Variants in ABLIM3 observed in about 807,000 individuals in gnomAD.
The protein encoded by ABLIM3 is actin-binding LIM protein 3.
Under a neutral mutation model 109.5 loss-of-function variants are expected in ABLIM3, and 61 were observed. The observed-to-expected ratio is 0.56, with a 90% CI of 0.45 to 0.69. ABLIM3 has a LOEUF of 0.69. Ranked by LOEUF, ABLIM3 falls within the 30% of genes least tolerant of loss-of-function variation. ABLIM3 has a pLI of 0.00. For missense variants in ABLIM3, 796 were observed against 889.5 expected (o/e 0.89, Z 1.34); for synonymous variants, 300 against 324.8 (o/e 0.92, Z 0.82).
intron 2 of ABLIM3, among the ~76,000 whole-genome samples, chr5:149,155,939 G>A (rs1753836303): frequency 6.6e-6 from 1 of 152,204 alleles, no homozygotes; most frequent in Non-Finnish European, 1.5e-5. Context: ...CCAGAGCTGT[G>A]CATTATTTAG....
chr5:149,194,229 G>A (rs1264353329), intron 3 of ABLIM3, among the ~76,000 whole-genome samples: 1 of 152,092 alleles, frequency 6.6e-6, no homozygotes, highest in Non-Finnish European at 1.5e-5. Flanking sequence ...AGTCTAAAAT[G>A]TAAAAAATGA....
At chr5:149,175,244 G>A (rs537589077) in intron 2 of ABLIM3, among the ~76,000 whole-genome samples, 52 of 152,232 alleles carry the variant, frequency 3.4e-4, no homozygotes, top group African/African-American at 1.2e-3. Flanking sequence ...AATATTAACT[G>A]GGATTTCCTT....
intron 5 of ABLIM3, 181 bp downstream of exon 5, chr5:149,200,609 A>G (rs920302253): frequency 1.3e-5 from 8 of 621,768 alleles, no homozygotes; most frequent in Non-Finnish European, 2.0e-5. Flanking sequence ...TCACAAGCAC[A>G]ATGCAGGGAA....
intron 2 of ABLIM3, among the ~76,000 whole-genome samples, chr5:149,154,130 A>G (rs112854928): frequency 2.0e-5 from 3 of 152,302 alleles, no homozygotes; most frequent in African/African-American, 4.8e-5. Context: ...AGCACACTCT[A>G]TCAAGTGCCA....
chr5:149,231,715 T>A (rs745911107), intron 9 of ABLIM3, among the ~76,000 whole-genome samples: 2 of 152,294 alleles, frequency 1.3e-5, no homozygotes, highest in Non-Finnish European at 2.9e-5. Context: ...TTCATTTTCC[T>A]CCCCTTTGGT....
At chr5:149,177,941 T>C (rs1223318014) in intron 2 of ABLIM3, among the ~76,000 whole-genome samples, 1 of 152,014 alleles carries the variant, frequency 6.6e-6, no homozygotes, top group Admixed American at 6.5e-5. Flanking sequence ...TGAGGCGGGG[T>C]TTATGTAAAT....
intron 8 of ABLIM3, among the ~76,000 whole-genome samples, chr5:149,223,535 G>A (rs190760180): frequency 1.1e-3 from 171 of 152,276 alleles, no homozygotes; most frequent in African/African-American, 3.9e-3. Context: ...ACTAAGAAGC[G>A]TCTAGGAGCA....
At chr5:149,167,619 T>A (rs1754947184) in intron 2 of ABLIM3, among the ~76,000 whole-genome samples, 1 of 152,232 alleles carries the variant, frequency 6.6e-6, no homozygotes, top group African/African-American at 2.4e-5. Context: ...CAAAGTAAAT[T>A]ATTTTTTAAA....
At chr5:149,201,499 C>T (rs1002861697) in intron 5 of ABLIM3, among the ~76,000 whole-genome samples, 4 of 152,064 alleles carry the variant, frequency 2.6e-5, no homozygotes, top group Non-Finnish European at 4.4e-5. Flanking sequence ...AGGGGCTCCC[C>T]GGGAGTCCAT....
chr5:149,166,187 G>A (rs1236158715), intron 2 of ABLIM3, among the ~76,000 whole-genome samples: 1 of 152,198 alleles, frequency 6.6e-6, no homozygotes, highest in African/African-American at 2.4e-5. Flanking sequence ...AGTTGGAACT[G>A]AGTAGGGGCT....
chr5:149,147,086 T>TCTCTCTCTCG (rs1462589734), intron 2 of ABLIM3, among the ~76,000 whole-genome samples: 1 of 151,868 alleles, frequency 6.6e-6, no homozygotes, highest in African/African-American at 2.4e-5. Flanking sequence ...TCTCTCTCTC[T>TCTCTCTCTCG]CTCGCTCGCT....
intron 6 of ABLIM3, 61 bp downstream of exon 6, chr5:149,207,195 A>C: frequency 6.3e-7 from 1 of 1,576,712 alleles, no homozygotes; most frequent in Non-Finnish European, 8.6e-7. Context: ...GGCCTGCCCC[A>C]TTGAGCCCAT....
At chr5:149,227,930 C>A (rs1392800380) in intron 8 of ABLIM3, among the ~76,000 whole-genome samples, 1 of 152,156 alleles carries the variant, frequency 6.6e-6, no homozygotes, top group East Asian at 1.9e-4. Flanking sequence ...GACATGAATC[C>A]TCTCCTCATA....
chr5:149,211,182 TG>T (rs1349894219), intron 7 of ABLIM3, among the ~76,000 whole-genome samples: 5 of 147,444 alleles, frequency 3.4e-5, no homozygotes, highest in African/African-American at 1.3e-4. Context: ...TTATTTATTT[TG>T]TTTGTTTGTT....
chr5:149,203,330 C>T (rs1395687067), intron 5 of ABLIM3, among the ~76,000 whole-genome samples: 1 of 151,774 alleles, frequency 6.6e-6, no homozygotes, highest in Admixed American at 6.6e-5. Flanking sequence ...ACCACCATAA[C>T]CACCATCATT....
Position 149,258,844 on chromosome 5 carries a change from C to T in ABLIM3, c.*440C>T. 1.0e-6 allele frequency: 1 copy of T among 990,446 alleles called. No individual in the cohort carries two copies. The highest frequency in any genetic ancestry group is 1.2e-6 in the Non-Finnish European group (1 of 833,430). 61.4% of individuals were successfully genotyped at this position (990,446 alleles called of 1,614,324 possible). A position where few individuals can be genotyped will look rare whatever the true frequency, so the allele number is the denominator to read the frequency against. ...CCCATGGGAAGATCTGCAGCAGTCT[C>T]CCCAAATCAGTGAGCACCTTTGAGC... is the stretch of plus-strand genomic sequence containing the variant. On this transcript the variant is annotated 3_prime_UTR_variant, in exon 24 of 24. Coordinates refer to ENST00000309868, the MANE Select transcript of ABLIM3 (RefSeq NM_014945.5).
chr5:149,258,558 T>G lies in ABLIM3; in HGVS notation c.*154T>G. 7.2e-7 allele frequency: 1 copy of G among 1,393,874 alleles called. No individual in the cohort carries two copies. The highest frequency in any genetic ancestry group is 9.3e-7 in the Non-Finnish European group (1 of 1,079,116). 86.3% of individuals were successfully genotyped at this position (1,393,874 alleles called of 1,614,324 possible). On this transcript the variant is annotated 3_prime_UTR_variant, in exon 24 of 24. Transcript: ENST00000309868. ...GTCAGGCAAGCCCACGTCATCGAGA[T>G]ATTTTTATGCTCCTTACTTTCTCTT... is the stretch of plus-strand genomic sequence containing the variant.
chr5:149,183,437 T>C lies in ABLIM3; in HGVS notation c.14-15T>C. ...TCAGGGCCTCTGGATAGTGATCTCTTTGTTTCTTTTACAGTTCCTTATCAG... is the reference window on the plus strand; with the variant it reads ...TCAGGGCCTCTGGATAGTGATCTCTCTGTTTCTTTTACAGTTCCTTATCAG... On this transcript the variant is annotated splice_polypyrimidine_tract_variant and intron_variant, in intron 2 of 23. Coordinates refer to ENST00000309868, the MANE Select transcript of ABLIM3 (RefSeq NM_014945.5). 1 of 1,512,870 alleles carries C rather than the reference T, an allele frequency of 6.6e-7. No individual in the cohort carries two copies. The highest frequency in any genetic ancestry group is 8.9e-7 in the Non-Finnish European group (1 of 1,129,758). 93.7% of individuals were successfully genotyped at this position (1,512,870 alleles called of 1,614,324 possible).
intron 6 of ABLIM3, among the ~76,000 whole-genome samples, chr5:149,208,332 TTCTC>T (rs2127511625): frequency 6.9e-6 from 1 of 145,608 alleles, no homozygotes; most frequent in African/African-American, 2.6e-5. Context: ...GTCTCTGTCT[TTCTC>T]TATCTATCTT....
Sources: allele counts gnomAD v4.1 joint callset (sites outside exome capture counted in the v4.1 genomes callset), GRCh38; gene constraint gnomAD v4.1.1; transcripts MANE v1.5; gene names NCBI Gene and HGNC (gene_info 2026-07-23, HGNC 2026-07-21).